CYFIP2: variants seen among roughly 807,000 people sequenced by gnomAD.
The protein encoded by CYFIP2 is cytoplasmic FMR1 interacting protein 2.
In CYFIP2, 29 loss-of-function variants were observed where a neutral mutation model predicts 158.7. The observed-to-expected ratio is 0.18, with a 90% CI of 0.14 to 0.25. CYFIP2 has a LOEUF of 0.25. CYFIP2 is among the 10% of genes least tolerant of loss of function. The pLI is 1.00. For synonymous variants in CYFIP2, 585 were observed against 617.6 expected (o/e 0.95, Z 0.78); for missense variants, 852 against 1,639.5 (o/e 0.52, Z 8.29).
Position 157,311,670 on chromosome 5 carries a change from G to A in CYFIP2, c.999G>A (p.Thr333=), listed in dbSNP as rs745838142. Residue 333 remains threonine, a synonymous_variant, in exon 11 of 31, where the codon ACG becomes ACA. Coordinates refer to ENST00000620254, the MANE Select transcript of CYFIP2 (RefSeq NM_001037333.3). The surrounding 1 kb of genome is among the most constrained non-coding windows in gnomAD (Gnocchi z 4.7). ...CCCATAATTTTCTACCCAGGTGGAC[G>A]TGCACCCAGAGCAGCATCAGCCCCC... ...AHYEENKSKW[T]CTQSSISPQY... is the part of the protein sequence containing the mutation. 1.3e-5 allele frequency: 21 copies of A among 1,606,324 alleles called. No individual in the cohort carries two copies. Among genetic ancestry groups the A allele is most frequent in the Admixed American group, 1.0e-4 (6 of 58,894 alleles).
chr5:157,391,991 G>T (rs909294210), intron 30 of CYFIP2, among the ~76,000 whole-genome samples: 1 of 152,080 alleles, frequency 6.6e-6, no homozygotes, highest in Non-Finnish European at 1.5e-5. Flanking sequence ...TTGTGATTTT[G>T]ATTTGAATTT....
At chr5:157,309,556 G>A (rs1381816628) in intron 9 of CYFIP2, among the ~76,000 whole-genome samples, 187 bp from the exon 10 acceptor site, 5 of 152,154 alleles carry the variant, frequency 3.3e-5, no homozygotes, top group Non-Finnish European at 5.9e-5. Context: ...GGAGGCAGGG[G>A]AGGACCTATA....
At chr5:157,268,167 C>G (rs960285241) in intron 1 of CYFIP2, among the ~76,000 whole-genome samples, 5 of 152,264 alleles carry the variant, frequency 3.3e-5, no homozygotes, top group Non-Finnish European at 7.3e-5. Context: ...GAGCCTCTGG[C>G]TGGGGGCATT....
At chr5:157,282,999 G>A (rs756485888) in intron 1 of CYFIP2, among the ~76,000 whole-genome samples, 8 of 152,318 alleles carry the variant, frequency 5.3e-5, no homozygotes, top group African/African-American at 1.4e-4. Flanking sequence ...AACACCTAGC[G>A]TAGAGGTTGG....
At chr5:157,389,507 C>T in intron 29 of CYFIP2, 80 bp downstream of exon 29, 2 of 1,339,712 alleles carry the variant, frequency 1.5e-6, no homozygotes, top group Non-Finnish European at 2.0e-6. Context: ...AGAGTTCAGC[C>T]AGAAACGTGG....
chr5:157,307,637 G>GTA, intron 8 of CYFIP2, 124 bp from the exon 9 acceptor site: 1 of 349,542 alleles, frequency 2.9e-6, no homozygotes, highest in Admixed American at 5.5e-5. Flanking sequence ...TCTCTACAGG[G>GTA]TGTGTGTGTG....
At chr5:157,292,549 G>C (rs1393022813) in intron 3 of CYFIP2, among the ~76,000 whole-genome samples, 1 of 152,182 alleles carries the variant, frequency 6.6e-6, no homozygotes, top group Non-Finnish European at 1.5e-5. Context: ...CATCCATGTG[G>C]TAGCGTGTAT....
intron 13 of CYFIP2, among the ~76,000 whole-genome samples, chr5:157,318,607 A>G (rs1760339006): frequency 6.6e-6 from 1 of 152,206 alleles, no homozygotes. Context: ...TAAGTTTTAG[A>G]GAAAAAAACA....
intron 3 of CYFIP2, among the ~76,000 whole-genome samples, chr5:157,294,295 C>T (rs1350875452): frequency 6.6e-6 from 1 of 152,192 alleles, no homozygotes; most frequent in Non-Finnish European, 1.5e-5. Context: ...CAGGAATGAC[C>T]AAGGACAGCT....
At chr5:157,367,415 T>G (rs1437930734) in intron 26 of CYFIP2, among the ~76,000 whole-genome samples, 1 of 152,176 alleles carries the variant, frequency 6.6e-6, no homozygotes, top group Non-Finnish European at 1.5e-5. Context: ...TCAAATTTTG[T>G]AGATAGGAAA....
intron 11 of CYFIP2, among the ~76,000 whole-genome samples, chr5:157,313,042 G>A (rs1158714864): frequency 6.6e-6 from 1 of 152,194 alleles, no homozygotes; most frequent in South Asian, 2.1e-4. Context: ...TCATTTTGGT[G>A]TGGTCTAAGA....
chr5:157,350,081 G>T (rs1762968673), intron 23 of CYFIP2, among the ~76,000 whole-genome samples: 1 of 152,136 alleles, frequency 6.6e-6, no homozygotes, highest in Non-Finnish European at 1.5e-5. Context: ...TGGGTTGTCT[G>T]TTTACTCTGC....
intron 21 of CYFIP2, among the ~76,000 whole-genome samples, chr5:157,336,224 T>C (rs1290737199): frequency 6.6e-6 from 1 of 152,182 alleles, no homozygotes; most frequent in Non-Finnish European, 1.5e-5. Context: ...TTGCAAAGAT[T>C]TGGGGAGTTA....
Position 157,393,238 on chromosome 5 carries a change from T to C in CYFIP2, c.*238T>C, listed in dbSNP as rs1245962965. On this transcript the variant is annotated 3_prime_UTR_variant, in exon 31 of 31. Coordinates refer to ENST00000620254, the MANE Select transcript of CYFIP2 (RefSeq NM_001037333.3). ...AAAAAAAAAAAAGTAAACAGGGCAGTGTGTGCTTTTTCTTTTCTCCCCCCT... is the reference window on the plus strand; with the variant it reads ...AAAAAAAAAAAAGTAAACAGGGCAGCGTGTGCTTTTTCTTTTCTCCCCCCT... The C allele has an allele frequency of 7.4e-6, 3 of 404,846 alleles. No individual in the cohort carries two copies. The highest frequency in any genetic ancestry group is 1.3e-5 in the Non-Finnish European group (3 of 229,654). 25.1% of individuals were successfully genotyped at this position (404,846 alleles called of 1,614,324 possible).
chr5:157,285,588 G>A (rs1393771317), intron 2 of CYFIP2, 110 bp downstream of exon 2: 1 of 942,728 alleles, frequency 1.1e-6, no homozygotes, highest in African/African-American at 1.7e-5. Context: ...AAGGTGAAAG[G>A]TTGTGAGCTG....
intron 1 of CYFIP2, among the ~76,000 whole-genome samples, chr5:157,274,020 A>G (rs999646580): frequency 9.9e-5 from 15 of 151,758 alleles, no homozygotes; most frequent in African/African-American, 3.4e-4. Context: ...CTGTAATTCC[A>G]GCTACTCGGG....
chr5:157,327,305 C>A (rs1561731405), intron 18 of CYFIP2, among the ~76,000 whole-genome samples: 2 of 152,202 alleles, frequency 1.3e-5, no homozygotes, highest in Non-Finnish European at 2.9e-5. Flanking sequence ...TGGCTCATGC[C>A]TGTAATCCTA....
At chr5:157,373,174 C>CAGTTT (rs1765151308) in intron 26 of CYFIP2, among the ~76,000 whole-genome samples, 2 of 152,142 alleles carry the variant, frequency 1.3e-5, no homozygotes, top group South Asian at 4.1e-4. Flanking sequence ...CCTATTCCAC[C>CAGTTT]AACTTATCTA....
chr5:157,306,578 G>T (rs1759242602), intron 8 of CYFIP2, among the ~76,000 whole-genome samples: 1 of 152,166 alleles, frequency 6.6e-6, no homozygotes, highest in Non-Finnish European at 1.5e-5. Flanking sequence ...AAACGATGAA[G>T]TTCATTCTGC....
Sources: gnomAD v4.1 joint callset for allele counts (sites outside exome capture counted in the v4.1 genomes callset) on GRCh38, gnomAD v4.1.1 for gene constraint, Gnocchi (gnomAD v3.1) non-coding constraint, MANE v1.5 for transcripts, NCBI Gene and HGNC (gene_info 2026-07-23, HGNC 2026-07-21) for gene names.